Variants in DHX38 observed in about 807,000 individuals in gnomAD.
The protein encoded by DHX38 is pre-mRNA-splicing factor ATP-dependent RNA helicase PRP16.
DHX38 carries 100 observed loss-of-function variants against 153.1 expected under a neutral mutation model. The observed-to-expected ratio is 0.65, with a 90% CI of 0.56 to 0.77. The LOEUF is 0.77. Ranked by LOEUF, DHX38 falls within the 30% of genes least tolerant of loss-of-function variation. The pLI is 0.00. For synonymous variants in DHX38, 650 were observed against 631.7 expected, an observed-to-expected ratio of 1.03 and a Z score of -0.43; for missense variants, 1,440 against 1,654.0, an observed-to-expected ratio of 0.87 and a Z score of 2.24.
intron 26 of DHX38, among the ~76,000 whole-genome samples, chr16:72,111,398 G>A (rs1331404261): frequency 1.3e-5 from 2 of 152,184 alleles, no homozygotes; most frequent in Non-Finnish European, 2.9e-5. Context: ...GGGCTTCTGC[G>A]TCTGTGCTGG....
At chr16:72,106,423 A>G (rs1357979520) in intron 19 of DHX38, among the ~76,000 whole-genome samples, 4 of 124,984 alleles carry the variant, frequency 3.2e-5, no homozygotes, top group Admixed American at 7.6e-5. Flanking sequence ...TTTTATTTCT[A>G]TTGTTCTCTT....
At chr16:72,101,420 T>G (rs8043606) in intron 10 of DHX38, 80 bp from the exon 11 acceptor site, 1 of 1,400,952 alleles carries the variant, frequency 7.1e-7, no homozygotes, top group African/African-American at 1.4e-5. Context: ...CGGGGTGAAG[T>G]CTGCTCTCCC....
rs184663344 is a variant in DHX38, at chr16:72,097,157, A to G, written c.511+148A>G. The G allele has an allele frequency of 1.6e-5, 13 of 805,870 alleles. No individual in the cohort carries two copies. In the East Asian group the frequency reaches 3.6e-4, roughly 23 times the overall value. The allele number at this position is 805,870 out of a possible 1,614,324, so 49.9% of individuals were successfully genotyped here. A position where few individuals can be genotyped will look rare whatever the true frequency, so the allele number is the denominator to read the frequency against. On this transcript the variant is annotated intron_variant, in intron 3 of 26. Coordinates refer to ENST00000268482, the MANE Select transcript of DHX38 (RefSeq NM_014003.4). ...CCTGAGTGGTTTTGACCCTGCTGGG[A>G]TTGGGAATACTAGTTTAAGAAAAGA...
rs374667390 is a variant in DHX38 at position 72,112,571 on chromosome 16, G to C, written c.*74G>C. The C allele has an allele frequency of 5.9e-6, 9 of 1,513,504 alleles. No individual in the cohort carries two copies. The East Asian group carries it at 1.1e-4, about 19-fold the overall frequency. 93.8% of individuals were successfully genotyped at this position (1,513,504 alleles called of 1,614,324 possible). ...CTTCTGGCGGGAGCCCTGAGGCTGC[G>C]GACAAAGCCCTTTCATCTGAGGACT... is the stretch of plus-strand genomic sequence containing the variant. On this transcript the variant is annotated 3_prime_UTR_variant, in exon 27 of 27. Coordinates refer to ENST00000268482, the MANE Select transcript of DHX38 (RefSeq NM_014003.4).
chr16:72,101,848 G>C (rs1415850285), intron 11 of DHX38, among the ~76,000 whole-genome samples: 1 of 152,182 alleles, frequency 6.6e-6, no homozygotes, highest in African/African-American at 2.4e-5. Context: ...TGTTGTGAGA[G>C]GAAGGAGGCC....
chr16:72,103,182 A>C lies in DHX38; in HGVS notation c.1608A>C (p.Ala536=). 6.2e-7 allele frequency: 1 copy of C among 1,614,214 alleles called. No individual in the cohort carries two copies. Among genetic ancestry groups the C allele is most frequent in the Non-Finnish European group, 8.5e-7 (1 of 1,180,032 alleles). The change falls in exon 12 of 27, where the codon GCA becomes GCC. Residue 536 remains alanine, a synonymous_variant. Coordinates refer to ENST00000268482, the MANE Select transcript of DHX38 (RefSeq NM_014003.4). The part of the protein sequence containing the change: ...LEQRQYLPIF[A]VQQELLTIIR... ...AGAGGCAGTACCTGCCCATCTTTGC[A>C]GTGCAGCAGGAGCTGCTCACTATTA...
intron 6 of DHX38, 50 bp from the exon 7 acceptor site, chr16:72,099,154 G>A (rs377169556): frequency 5.1e-5 from 82 of 1,592,506 alleles, no homozygotes; most frequent in Non-Finnish European, 6.3e-5. Context: ...GTCTGGGGCC[G>A]CTGGGGACAG....
chr16:72,096,542 C>A, intron 2 of DHX38, 62 bp downstream of exon 2: 1 of 1,495,612 alleles, frequency 6.7e-7, no homozygotes, highest in South Asian at 1.3e-5. Context: ...AATAACAGCT[C>A]ATGTTTATCT....
chr16:72,101,238 T>C (rs1472312484), intron 10 of DHX38, 45 bp downstream of exon 10: 1 of 1,602,470 alleles, frequency 6.2e-7, no homozygotes, highest in African/African-American at 1.3e-5. Context: ...GTGTATTTTT[T>C]TCTTTTTTCT....
chr16:72,109,403 T>C lies in DHX38; in HGVS notation c.3382-12T>C. ...TCCTGTGACCCTCGCCTCCCTGCCCTTCTGCCCGCAGGAGTATATGCAGTG... is the reference window on the plus strand; with the variant it reads ...TCCTGTGACCCTCGCCTCCCTGCCCCTCTGCCCGCAGGAGTATATGCAGTG... On this transcript the variant is annotated splice_polypyrimidine_tract_variant and intron_variant, in intron 24 of 26. Coordinates refer to ENST00000268482, the MANE Select transcript of DHX38 (RefSeq NM_014003.4). The C allele has an allele frequency of 6.2e-7, 1 of 1,612,182 alleles. No homozygotes were observed. The highest frequency in any genetic ancestry group is 8.5e-7 in the Non-Finnish European group (1 of 1,179,444).
Position 72,097,000 on chromosome 16 carries a change from A to G in DHX38, c.502A>G (p.Arg168Gly). Residue 168 changes from arginine (R) to glycine (G), a missense_variant, in exon 3 of 27, where the codon AGG (arginine) becomes GGG (glycine). Physicochemically the swap from Arg to Gly is moderately radical, Grantham distance 125. Coordinates refer to ENST00000268482, the MANE Select transcript of DHX38 (RefSeq NM_014003.4). ...GCGGGATCGAGACTATGACCGCAAG[A>G]GGGACAGAGGTAAACTGTCCAGCAC... ...KSRDRDYDRKRDRDERDRSRH... is the reference protein window; with the variant it reads ...KSRDRDYDRKGDRDERDRSRH... 6.2e-7 allele frequency: 1 copy of G among 1,613,708 alleles called. No homozygotes were observed. Among genetic ancestry groups the G allele is most frequent in the Non-Finnish European group, 8.5e-7 (1 of 1,179,810 alleles).
chr16:72,096,928 G>T lies in DHX38; in HGVS notation c.430G>T (p.Val144Phe), dbSNP rs1597438134. 3 of 1,613,948 alleles carry T rather than the reference G, an allele frequency of 1.9e-6. No homozygotes were observed. The highest frequency in any genetic ancestry group is 1.1e-5 in the South Asian group (1 of 91,078). ...QRERERREHG[V>F]YASSKEEKDW... is the part of the protein sequence containing the mutation. ...AGAGCGGGAGCGGCGGGAACATGGTGTCTATGCCTCGTCCAAAGAAGAAAA... is the reference window on the plus strand; with the variant it reads ...AGAGCGGGAGCGGCGGGAACATGGTTTCTATGCCTCGTCCAAAGAAGAAAA... The change falls in exon 3 of 27, where the codon GTC (valine) becomes TTC (phenylalanine). Residue 144 changes from valine to phenylalanine, a missense_variant. Transcript: ENST00000268482.
intron 8 of DHX38, 70 bp downstream of exon 8, chr16:72,099,957 A>G (rs1329967609): frequency 2.6e-6 from 4 of 1,532,570 alleles, no homozygotes; most frequent in Non-Finnish European, 1.8e-6. Flanking sequence ...GCAGCAGGTT[A>G]TCCCCAAGTG....
At chr16:72,096,104 C>T in intron 1 of DHX38, 35 bp from the exon 2 acceptor site, 1 of 1,546,886 alleles carries the variant, frequency 6.5e-7, no homozygotes, top group South Asian at 1.2e-5. Context: ...AGAGCTGAGC[C>T]TTCTCTAGTA....
chr16:72,096,440 G>A lies in DHX38; in HGVS notation c.283G>A (p.Glu95Lys), dbSNP rs757939290. The A allele has an allele frequency of 7.4e-6, 12 of 1,613,782 alleles. No homozygotes were observed. Among genetic ancestry groups the A allele is most frequent in the Non-Finnish European group, 8.5e-7 (1 of 1,179,912 alleles). ...SKDDQKDAEE[E>K]GGDQAGQNIR... ...GGATGACCAGAAGGATGCTGAGGAA[G>A]AGGGCGGTGACCAGGCTGGCCAAAA... Residue 95 changes from glutamate (E) to lysine (K), a missense_variant, in exon 2 of 27, where the codon GAG becomes AAG. Coordinates refer to ENST00000268482, the MANE Select transcript of DHX38 (RefSeq NM_014003.4).
At chr16:72,103,477 C>T (rs1210165910) in intron 12 of DHX38, 125 bp from the exon 13 acceptor site, 3 of 1,126,200 alleles carry the variant, frequency 2.7e-6, no homozygotes, top group Admixed American at 2.5e-5. Flanking sequence ...TGAAATTCTC[C>T]CTTCTAAACC....
chr16:72,101,380 C>A, intron 10 of DHX38, 120 bp from the exon 11 acceptor site: 1 of 1,180,538 alleles, frequency 8.5e-7, no homozygotes, highest in Non-Finnish European at 1.2e-6. Context: ...GGCTCGGTGC[C>A]ACCAGCACTC....
At chr16:72,099,658 T>G in intron 7 of DHX38, 74 bp from the exon 8 acceptor site, 1 of 1,579,880 alleles carries the variant, frequency 6.3e-7, no homozygotes, top group Admixed American at 1.8e-5. Context: ...CAAGCGTCCC[T>G]TCTTCTGTTG....
Position 72,109,426 on chromosome 16 carries a change from G to A in DHX38, c.3393G>A (p.Gln1131=), listed in dbSNP as rs766933455. The A allele has an allele frequency of 5.0e-6, 8 of 1,613,262 alleles. No individual in the cohort carries two copies. Among genetic ancestry groups the A allele is most frequent in the East Asian group, 2.2e-5 (1 of 44,836 alleles). Reference sequence around the variant, plus strand: ...CCTTCTGCCCGCAGGAGTATATGCAGTGTGTGACCGCTGTGGACGGGGAGT... The same window carrying A: ...CCTTCTGCCCGCAGGAGTATATGCAATGTGTGACCGCTGTGGACGGGGAGT... ...ELVMTTKEYM[Q]CVTAVDGEWL... Residue 1131 remains glutamine (Q), a synonymous_variant, in exon 25 of 27, where the codon CAG becomes CAA. Coordinates refer to ENST00000268482, the MANE Select transcript of DHX38 (RefSeq NM_014003.4).
Sources: allele counts gnomAD v4.1 joint callset (sites outside exome capture counted in the v4.1 genomes callset), GRCh38; gene constraint gnomAD v4.1.1; transcripts MANE v1.5; gene names NCBI Gene and HGNC (gene_info 2026-07-23, HGNC 2026-07-21).